The following SMYD3 variants were observed in gnomAD, a reference collection of about 807,000 sequenced individuals.
The protein encoded by SMYD3 is histone-lysine N-methyltransferase SMYD3.
Under a neutral mutation model 57.7 loss-of-function variants are expected in SMYD3, and 36 were observed. The ratio of observed to expected loss-of-function variants is 0.62; its 90% CI spans 0.48 to 0.82. SMYD3 has a LOEUF of 0.82. SMYD3 is among the 40% of genes least tolerant of loss of function. The pLI, the probability that SMYD3 is intolerant of heterozygous loss-of-function variation, is 0.00. For missense variants in SMYD3, 515 were observed against 538.8 expected (o/e 0.96, Z 0.44); for synonymous variants, 211 against 195.0 (o/e 1.08, Z -0.68).
intron 10 of SMYD3, among the ~76,000 whole-genome samples, chr1:245,833,187 A>G (rs552177155): frequency 2.0e-5 from 3 of 152,262 alleles, no homozygotes; most frequent in African/African-American, 7.2e-5. Flanking sequence ...TACACCCTTT[A>G]CCCAGTCCTC....
chr1:246,094,709 C>T (rs1224283658), intron 5 of SMYD3, among the ~76,000 whole-genome samples: 2 of 152,156 alleles, frequency 1.3e-5, no homozygotes, highest in South Asian at 4.2e-4. Context: ...CCTGGCTGTC[C>T]CTCAGGATTT....
At chr1:246,257,289 TA>T (rs1177715584) in intron 5 of SMYD3, among the ~76,000 whole-genome samples, 2 of 152,194 alleles carry the variant, frequency 1.3e-5, no homozygotes, top group Non-Finnish European at 2.9e-5. Flanking sequence ...TGTGGTTGTC[TA>T]AGTCTTTTCC....
intron 5 of SMYD3, among the ~76,000 whole-genome samples, chr1:246,219,423 G>A (rs1190411175): frequency 6.6e-6 from 1 of 152,006 alleles, no homozygotes; most frequent in Admixed American, 6.6e-5. Context: ...TTACCTTCCT[G>A]CCCCATCCCC....
intron 10 of SMYD3, among the ~76,000 whole-genome samples, chr1:245,806,103 CG>C (rs1259224707): frequency 1.3e-5 from 2 of 152,030 alleles, no homozygotes; most frequent in African/African-American, 2.4e-5. Flanking sequence ...ATGAAGAAGA[CG>C]GGGTCTTTCC....
At chr1:245,934,889 G>C (rs2056915640) in intron 5 of SMYD3, among the ~76,000 whole-genome samples, 1 of 152,304 alleles carries the variant, frequency 6.6e-6, no homozygotes, top group East Asian at 1.9e-4. Context: ...CCATGCTCAC[G>C]ACTTAGTCAC....
intron 5 of SMYD3, among the ~76,000 whole-genome samples, chr1:246,036,953 T>C (rs1326735330): frequency 6.6e-6 from 1 of 152,156 alleles, no homozygotes; most frequent in East Asian, 1.9e-4. Context: ...GTTGATTTCA[T>C]ATGAGGACAC....
chr1:245,976,040 T>C (rs368077414), intron 5 of SMYD3, among the ~76,000 whole-genome samples: 9 of 10,236 alleles, frequency 8.8e-4, no homozygotes, highest in East Asian at 5.6e-3. Context: ...CCATCGTCTC[T>C]AGCCTAGGGA....
At chr1:246,139,396 A>G (rs1161419353) in intron 5 of SMYD3, among the ~76,000 whole-genome samples, 1 of 152,216 alleles carries the variant, frequency 6.6e-6, no homozygotes, top group Non-Finnish European at 1.5e-5. Context: ...CATATTGTCT[A>G]ATATTTAATG....
intron 5 of SMYD3, among the ~76,000 whole-genome samples, chr1:245,934,074 G>C (rs2056870044): frequency 6.6e-6 from 1 of 152,102 alleles, no homozygotes; most frequent in South Asian, 2.1e-4. Context: ...ACTATACAGA[G>C]GTTTCCTCCA....
intron 5 of SMYD3, among the ~76,000 whole-genome samples, chr1:246,323,432 A>G (rs979605549): frequency 2.6e-5 from 4 of 152,194 alleles, no homozygotes; most frequent in African/African-American, 9.7e-5. Context: ...CAGCATTGAG[A>G]ACCCGGTCCG....
chr1:246,497,661 A>G (rs2068384566), intron 1 of SMYD3, among the ~76,000 whole-genome samples: 1 of 152,110 alleles, frequency 6.6e-6, no homozygotes, highest in Admixed American at 6.5e-5. Context: ...GAGTGGGAGG[A>G]CAGCCTCCTA....
chr1:246,157,673 C>T (rs111788211), intron 5 of SMYD3, among the ~76,000 whole-genome samples: 2 of 152,150 alleles, frequency 1.3e-5, no homozygotes, highest in Non-Finnish European at 2.9e-5. Context: ...GGTCAGCTTC[C>T]TTCTTTTATA....
Position 245,813,860 on chromosome 1 carries a change from CTATATA to C in SMYD3, c.1076+44630_1076+44635del, listed in dbSNP as rs6143718. On this transcript the variant is annotated intron_variant, in intron 10 of 11. Coordinates refer to ENST00000490107, the MANE Select transcript of SMYD3 (RefSeq NM_001167740.2). ...GTCATTTAGGTTAATTCATGGAGCC[CTATATA>C]TATATATATATATATATATATATAT... 9.8e-3 allele frequency among the ~76,000 whole-genome samples: 1,434 copies of C among 146,464 alleles called. 27 individuals carry two copies. Among genetic ancestry groups the C allele is most frequent in the African/African-American group, 0.036 (1,354 of 37,658 alleles).
chr1:246,487,329 C>G (rs903481700), intron 1 of SMYD3, among the ~76,000 whole-genome samples: 1 of 152,018 alleles, frequency 6.6e-6, no homozygotes, highest in Non-Finnish European at 1.5e-5. Flanking sequence ...CACCTGTAAT[C>G]CCAGCTACTC....
intron 2 of SMYD3, among the ~76,000 whole-genome samples, chr1:246,347,112 C>A (rs2065734296): frequency 6.6e-6 from 1 of 151,332 alleles, no homozygotes; most frequent in South Asian, 2.1e-4. Context: ...AATATGGTAA[C>A]CACCAACATT....
intron 8 of SMYD3, among the ~76,000 whole-genome samples, chr1:245,874,842 A>G (rs919636761): frequency 1.3e-5 from 2 of 152,234 alleles, no homozygotes; most frequent in Non-Finnish European, 2.9e-5. Flanking sequence ...TTGAAGCTGG[A>G]GGGTGGGTCA....
chr1:246,485,452 T>C (rs920738348), intron 1 of SMYD3, among the ~76,000 whole-genome samples: 1 of 152,152 alleles, frequency 6.6e-6, no homozygotes, highest in Non-Finnish European at 1.5e-5. Flanking sequence ...TGTTGACATG[T>C]GAAAAGTTTC....
chr1:246,492,272 CT>C (rs1301999653), intron 1 of SMYD3, among the ~76,000 whole-genome samples: 9 of 151,966 alleles, frequency 5.9e-5, no homozygotes, highest in Admixed American at 3.9e-4. Flanking sequence ...ATAATGATGC[CT>C]GCGTCCCACC....
rs374192865 is a variant in SMYD3, at chr1:245,784,119, T to C, written c.1077-19970A>G. On this transcript the variant is annotated intron_variant, in intron 10 of 11. Coordinates refer to ENST00000490107, the MANE Select transcript of SMYD3 (RefSeq NM_001167740.2). ...GCAAAACTAGAGGATTGATGTGATC[T>C]GATTTCAAATGTTTCTAGAGAAGTA... 9.2e-5 allele frequency among the ~76,000 whole-genome samples: 14 copies of C among 152,354 alleles called. 2 individuals are homozygous for C. Among genetic ancestry groups the C allele is most frequent in the African/African-American group, 3.4e-4 (14 of 41,586 alleles).
Sources: allele counts gnomAD v4.1 joint callset (sites outside exome capture counted in the v4.1 genomes callset), GRCh38; gene constraint gnomAD v4.1.1; transcripts MANE v1.5; gene names NCBI Gene and HGNC (gene_info 2026-07-23, HGNC 2026-07-21).